Variants in ELOC observed in about 807,000 individuals in gnomAD.
ELOC encodes elongin C.
For missense variants in ELOC, 38 were observed against 139.0 expected, an observed-to-expected ratio of 0.27 and a Z score of 3.65; for synonymous variants, 40 against 51.3, an observed-to-expected ratio of 0.78 and a Z score of 0.94.
At chr8:73,964,071 C>T (rs950727003) in intron 1 of ELOC, among the ~76,000 whole-genome samples, 2 of 107,826 alleles carry the variant, frequency 1.9e-5, no homozygotes, top group African/African-American at 7.4e-5. Context: ...CCAGCCTGGG[C>T]GATAAGAGTG....
intron 1 of ELOC, among the ~76,000 whole-genome samples, chr8:73,969,086 T>A (rs1563689586): frequency 6.6e-6 from 1 of 152,168 alleles, no homozygotes; most frequent in Admixed American, 6.5e-5. Flanking sequence ...TCCCAGATCA[T>A]CTCCCTAGTT....
chr8:73,949,110 A>G (rs771309416), intron 3 of ELOC, among the ~76,000 whole-genome samples: 8 of 152,264 alleles, frequency 5.3e-5, no homozygotes, highest in Non-Finnish European at 8.8e-5. Context: ...CTAGCACTGT[A>G]TGCTGAATAT....
chr8:73,945,597 G>A lies in ELOC; in HGVS notation c.*1033C>T, dbSNP rs1813334478. The A allele has an allele frequency of 6.6e-6, 1 of 152,142 alleles. No homozygotes were observed. The highest frequency in any genetic ancestry group is 1.5e-5 in the Non-Finnish European group (1 of 68,020). 9.4% of individuals were successfully genotyped at this position (152,142 alleles called of 1,614,324 possible). On this transcript the variant is annotated 3_prime_UTR_variant, in exon 4 of 4. Coordinates refer to ENST00000520242, the MANE Select transcript of ELOC (RefSeq NM_005648.4). Reference sequence around the variant, plus strand: ...AATTTTTTGGCTGCTTAATAGAAAAGCTGAATGAGCTTGATTTCAGTAGAA... The same window carrying A: ...AATTTTTTGGCTGCTTAATAGAAAAACTGAATGAGCTTGATTTCAGTAGAA...
chr8:73,961,422 T>G (rs1456106159), intron 1 of ELOC, among the ~76,000 whole-genome samples: 1 of 152,226 alleles, frequency 6.6e-6, no homozygotes, highest in Non-Finnish European at 1.5e-5. Context: ...ATAAATAATT[T>G]GTTTCAGGTA....
At chr8:73,965,573 A>C (rs72661855) in intron 1 of ELOC, among the ~76,000 whole-genome samples, 46,430 of 152,082 alleles carry the variant, frequency 0.31, 7,357 homozygotes, top group Admixed American at 0.39. Context: ...AACAGGCAAA[A>C]CAAACCAATG....
At chr8:73,965,320 G>C (rs1354607704) in intron 1 of ELOC, among the ~76,000 whole-genome samples, 1 of 152,114 alleles carries the variant, frequency 6.6e-6, no homozygotes, top group Non-Finnish European at 1.5e-5. Context: ...AAATTAAAAA[G>C]ACTGTGAACA....
chr8:73,945,987 C>T lies in ELOC; in HGVS notation c.*643G>A, dbSNP rs1813357131. On this transcript the variant is annotated 3_prime_UTR_variant, in exon 4 of 4. Coordinates refer to ENST00000520242, the MANE Select transcript of ELOC (RefSeq NM_005648.4). ...CTAAGTCATGTAGTTTACTTGCTGACCATCTGGCTACAGTTCAGTTTCTTC... is the reference window on the plus strand; with the variant it reads ...CTAAGTCATGTAGTTTACTTGCTGATCATCTGGCTACAGTTCAGTTTCTTC... 6.6e-6 allele frequency: 1 copy of T among 151,308 alleles called. No individual in the cohort carries two copies. Among genetic ancestry groups the T allele is most frequent in the African/African-American group, 2.5e-5 (1 of 40,664 alleles). 9.4% of individuals were successfully genotyped at this position (151,308 alleles called of 1,614,324 possible). A position where few individuals can be genotyped will look rare whatever the true frequency, so the allele number is the denominator to read the frequency against.
chr8:73,950,607 GA>G (rs1233311041), intron 3 of ELOC, among the ~76,000 whole-genome samples: 1 of 152,170 alleles, frequency 6.6e-6, no homozygotes, highest in Non-Finnish European at 1.5e-5. Flanking sequence ...TCATAGTGGG[GA>G]ATTTTTAATG....
intron 2 of ELOC, among the ~76,000 whole-genome samples, chr8:73,957,499 T>C (rs149084851): frequency 1.7e-4 from 26 of 152,290 alleles, no homozygotes; most frequent in African/African-American, 6.0e-4. Flanking sequence ...CAGGAAGCCC[T>C]AGAAAGGATG....
chr8:73,955,622 AT>A, intron 3 of ELOC: 3 of 276,682 alleles, frequency 1.1e-5, no homozygotes, highest in Non-Finnish European at 2.1e-5. Context: ...AAAAAAAAAA[AT>A]TAGCCAGGGG....
At chr8:73,958,696 G>A (rs1021393684) in intron 2 of ELOC, among the ~76,000 whole-genome samples, 4 of 152,250 alleles carry the variant, frequency 2.6e-5, no homozygotes, top group Admixed American at 2.0e-4. Flanking sequence ...AGAAAACATT[G>A]TATGTTTGTC....
intron 1 of ELOC, among the ~76,000 whole-genome samples, chr8:73,970,916 CCCAGCTGCT>C (rs144103372): frequency 0.17 from 24,857 of 149,000 alleles, 2,422 homozygotes; most frequent in Middle Eastern, 0.3. Flanking sequence ...CGCCTGTAAT[CCCAGCTGCT>C]CCAGAGGCTG....
At chr8:73,954,107 T>C (rs1411583539) in intron 3 of ELOC, among the ~76,000 whole-genome samples, 1 of 152,192 alleles carries the variant, frequency 6.6e-6, no homozygotes, top group East Asian at 1.9e-4. Flanking sequence ...TACTGTATGA[T>C]TCAATTTATA....
chr8:73,948,835 A>AAGCAAGCAAGCAAGCAAG (rs1813560244), intron 3 of ELOC, among the ~76,000 whole-genome samples: 5 of 150,268 alleles, frequency 3.3e-5, no homozygotes, highest in African/African-American at 1.2e-4. Flanking sequence ...CCTGTCACTC[A>AAGCAAGCAAGCAAGCAAG]CAAGCAAGCA....
chr8:73,961,918 CAG>C (rs1417283490), intron 1 of ELOC, among the ~76,000 whole-genome samples: 4 of 151,512 alleles, frequency 2.6e-5, no homozygotes, highest in South Asian at 2.1e-4. Flanking sequence ...TTTTTTGAGA[CAG>C]AGTCTCACTC....
At chr8:73,947,654 A>G (rs1586588761) in intron 3 of ELOC, among the ~76,000 whole-genome samples, 1 of 150,992 alleles carries the variant, frequency 6.6e-6, no homozygotes. Context: ...GCTCACTGTA[A>G]CCCCTGCCTC....
intron 1 of ELOC, among the ~76,000 whole-genome samples, chr8:73,960,207 A>G (rs772432733): frequency 3.7e-4 from 57 of 152,194 alleles, no homozygotes; most frequent in Non-Finnish European, 7.8e-4. Flanking sequence ...AAACTGCCAT[A>G]CTGAGGTGTT....
At chr8:73,971,498 A>G (rs1386266631) in intron 1 of ELOC, among the ~76,000 whole-genome samples, 1 of 152,148 alleles carries the variant, frequency 6.6e-6, no homozygotes, top group Non-Finnish European at 1.5e-5. Context: ...GTTATATGTT[A>G]CTTAACAGAT....
In ELOC at chr8:73,961,638, CCA is replaced by C. The variant is rs555538703; in HGVS notation, c.-50-1822_-50-1821del. On this transcript the variant is annotated intron_variant, in intron 1 of 3. Transcript: ENST00000520242. ...AAATGATTTGCCCGCCTCAGCCTCC[CCA>C]GTAGCTGGGATTACAGGCGTCTGTC... Among the ~76,000 whole-genome samples the C allele has an allele frequency of 2.4e-3, 362 of 152,186 alleles. 1 individual carries two copies. The highest frequency in any genetic ancestry group is 8.5e-3 in the African/African-American group (353 of 41,548).
Sources: gnomAD v4.1 joint callset for allele counts (sites outside exome capture counted in the v4.1 genomes callset) on GRCh38, gnomAD v4.1.1 for gene constraint, MANE v1.5 for transcripts, NCBI Gene and HGNC (gene_info 2026-07-23, HGNC 2026-07-21) for gene names.